The following FBXL18 variants were observed in gnomAD, a reference collection of about 807,000 sequenced individuals.
FBXL18 encodes the protein F-box/LRR-repeat protein 18.
FBXL18 carries 36 observed loss-of-function variants against 46.0 expected under a neutral mutation model. The observed-to-expected ratio is 0.78, with a 90% confidence interval of 0.60 to 1.03. The LOEUF is 1.03. FBXL18 is among the 50% of genes least tolerant of loss of function. The pLI is 0.00. For synonymous variants in FBXL18, 557 were observed against 465.3 expected (o/e 1.20, Z -2.54); for missense variants, 977 against 1,004.1 (o/e 0.97, Z 0.36).
In FBXL18 at chr7:5,513,650, A is replaced by T; in HGVS notation, c.18+7T>A. The T allele has an allele frequency of 6.2e-7, 1 of 1,611,832 alleles. No individual in the cohort carries two copies. The highest frequency in any genetic ancestry group is 8.5e-7 in the Non-Finnish European group (1 of 1,179,044). On this transcript the variant is annotated splice_region_variant and intron_variant, in intron 1 of 4. Transcript: ENST00000382368. ...AGAAGCAGAGCGGAGACAGTCGCGG[A>T]CAGTACCTCTCCGGAGCTGGCCATG... is the stretch of plus-strand genomic sequence containing the variant.
rs866357904 is a variant in FBXL18 at position 5,500,573 on chromosome 7, C to T, written c.1696G>A (p.Ala566Thr). 1 of 1,613,588 alleles carries T rather than the reference C, an allele frequency of 6.2e-7. No homozygotes were observed. The highest frequency in any genetic ancestry group is 8.5e-7 in the Non-Finnish European group (1 of 1,179,888). The change falls in exon 3 of 5, where the codon GCC becomes ACC. Residue 566 changes from alanine to threonine, a missense_variant. Ala to Thr is a moderately conservative substitution (Grantham distance 58, BLOSUM62 0). Coordinates refer to ENST00000382368, the MANE Select transcript of FBXL18 (RefSeq NM_024963.6). ...ACCTTCCCCATCATGCCCAGGTTGG[C>T]CAGCGACAGGGACCGCAACTGCTGG... ...QCQQLRSLSL[A>T]NLGMMGKVVY...
Position 5,481,430 on chromosome 7 carries a change from G to T in FBXL18, c.*345C>A, listed in dbSNP as rs1184542439. ...GCTTCCCGGTCGGAAGTGGCAGGGG[G>T]TTCGGGCCCTCCAGGCCCGTGGACA... On this transcript the variant is annotated 3_prime_UTR_variant, in exon 5 of 5. Transcript: ENST00000382368. 1 of 199,314 alleles carries T rather than the reference G, an allele frequency of 5.0e-6. No individual in the cohort carries two copies. Among genetic ancestry groups the T allele is most frequent in the African/African-American group, 2.4e-5 (1 of 42,250 alleles). The allele number at this position is 199,314 out of a possible 1,614,324, so 12.3% of individuals were successfully genotyped here. A position where few individuals can be genotyped will look rare whatever the true frequency, so the allele number is the denominator to read the frequency against.
downstream of FBXL18, among the ~76,000 whole-genome samples, chr7:5,473,838 C>A (rs533739723): frequency 1.5e-3 from 232 of 151,938 alleles, no homozygotes; most frequent in African/African-American, 5.1e-3. Flanking sequence ...GTTGCCCAGG[C>A]TGCTGGAGGG....
At chr7:5,499,812 C>T (rs886558303) in intron 3 of FBXL18, among the ~76,000 whole-genome samples, 14 of 150,898 alleles carry the variant, frequency 9.3e-5, no homozygotes, top group African/African-American at 3.4e-4. Flanking sequence ...CCAGCACCAG[C>T]ACTTTGGGAG....
chr7:5,486,983 C>T (rs1315196135), intron 4 of FBXL18, among the ~76,000 whole-genome samples: 1 of 152,258 alleles, frequency 6.6e-6, no homozygotes, highest in South Asian at 2.1e-4. Context: ...GAGAGCAAAC[C>T]GCTGCTCCTC....
intron 3 of FBXL18, among the ~76,000 whole-genome samples, chr7:5,495,029 G>A (rs954506607): frequency 1.5e-4 from 23 of 152,072 alleles, no homozygotes; most frequent in African/African-American, 5.3e-4. Context: ...CCCACAGCAC[G>A]CCGCCTGGGG....
At chr7:5,471,951 G>GGCCCACA (rs1187132559), downstream of FBXL18, among the ~76,000 whole-genome samples, 1 of 152,168 alleles carries the variant, frequency 6.6e-6, no homozygotes, top group Non-Finnish European at 1.5e-5. Context: ...TGTGTGGTGT[G>GGCCCACA]GTGGGGCGCA....
Position 5,497,866 on chromosome 7 carries a change from C to G in FBXL18, c.1781+2622G>C, listed in dbSNP as rs531592279. Among the ~76,000 whole-genome samples the G allele has an allele frequency of 3.3e-5, 5 of 152,210 alleles. No individual in the cohort carries two copies. In the South Asian group the frequency reaches 1.0e-3, roughly 32 times the overall value. ...AGCAAAGGCACAAGGTGAATGCTAA[C>G]TATTCTGGGGACAATGACACGTGCC... On this transcript the variant is annotated intron_variant, in intron 3 of 4. Transcript: ENST00000382368.
chr7:5,495,933 T>C (rs377329269), intron 3 of FBXL18: 28 of 470,964 alleles, frequency 5.9e-5, no homozygotes, highest in African/African-American at 5.4e-4. Context: ...TCCACAGAGA[T>C]GGCATTATGA....
At chr7:5,492,858 C>T (rs539688660) in intron 3 of FBXL18, among the ~76,000 whole-genome samples, 2 of 152,250 alleles carry the variant, frequency 1.3e-5, no homozygotes, top group East Asian at 1.9e-4. Context: ...ACCATCCCTG[C>T]CCATAGCCTG....
At chr7:5,488,020 C>T (rs542004305) in intron 4 of FBXL18, among the ~76,000 whole-genome samples, 4 of 152,374 alleles carry the variant, frequency 2.6e-5, no homozygotes, top group African/African-American at 4.8e-5. Context: ...CCTCTGGGGC[C>T]ACCTGCGAGC....
chr7:5,497,312 G>A lies in FBXL18; in HGVS notation c.1781+3176C>T, dbSNP rs1215433692. 2.6e-5 allele frequency among the ~76,000 whole-genome samples: 4 copies of A among 152,086 alleles called. No individual in the cohort carries two copies. In the South Asian group the frequency reaches 6.2e-4, roughly 24 times the overall value. ...GGTTCTCAAAGCAGTCGCCCGTCCT[G>A]GTTCTCCAGGATGCCTGGGTCAGAG... is the stretch of plus-strand genomic sequence containing the variant. On this transcript the variant is annotated intron_variant, in intron 3 of 4. Transcript: ENST00000382368.
At chr7:5,464,527 G>C (rs887888362) in intron 4 of FBXL18, among the ~76,000 whole-genome samples, 1 of 151,632 alleles carries the variant, frequency 6.6e-6, no homozygotes, top group African/African-American at 2.4e-5. Flanking sequence ...GCTGGGCGTT[G>C]TGGCAGGTGC....
At chr7:5,483,621 G>A (rs1783702443) in intron 4 of FBXL18, among the ~76,000 whole-genome samples, 2 of 151,726 alleles carry the variant, frequency 1.3e-5, no homozygotes, top group South Asian at 2.1e-4. Flanking sequence ...GTGCATGCCT[G>A]TAATCCCAGC....
rs79603061 is a variant in FBXL18 at position 5,496,514 on chromosome 7, G to A, written c.1781+3974C>T. On this transcript the variant is annotated intron_variant, in intron 3 of 4. Coordinates refer to ENST00000382368, the MANE Select transcript of FBXL18 (RefSeq NM_024963.6). The surrounding 1 kb of genome is among the most constrained non-coding windows in gnomAD (Gnocchi z 4.8). ...CCACCTATGAGCTGAGGACGCCAAA[G>A]CAACTCTCCCAGGCCAGACCTCAGC... 6.6e-6 allele frequency among the ~76,000 whole-genome samples: 1 copy of A among 152,276 alleles called. No homozygotes were observed. Among genetic ancestry groups the A allele is most frequent in the African/African-American group, 2.4e-5 (1 of 41,554 alleles).
rs1584236979 is a variant in FBXL18, at chr7:5,502,027, C to T, written c.242G>A (p.Ser81Asn). The T allele has an allele frequency of 6.3e-7, 1 of 1,581,880 alleles. No homozygotes were observed. The highest frequency in any genetic ancestry group is 8.6e-7 in the Non-Finnish European group (1 of 1,163,414). ...TVLLQKDYQA[S>N]EDKVRQLVKE... The stretch of plus-strand genomic sequence containing the variant: ...CACCAGCTGCCTCACTTTGTCCTCG[C>T]TCGCCTGCGGGACAGAGGCAGGGTG... The change falls in exon 3 of 5, where the codon AGC (serine) becomes AAC (asparagine). Residue 81 changes from serine to asparagine, a missense_variant. Ser to Asn is a conservative substitution (Grantham distance 46). Coordinates refer to ENST00000382368, the MANE Select transcript of FBXL18 (RefSeq NM_024963.6).
chr7:5,472,672 T>C (rs1355526140), downstream of FBXL18, among the ~76,000 whole-genome samples: 1 of 152,164 alleles, frequency 6.6e-6, no homozygotes, highest in Non-Finnish European at 1.5e-5. Flanking sequence ...AACACCAGCA[T>C]TGACCACCAG....
rs1349633532 is a variant in FBXL18, at chr7:5,463,702, A to ATATTTATTTATTTATT, written c.2001-15875_2001-15860dup. Among the ~76,000 whole-genome samples the ATATTTATTTATTTATT allele has an allele frequency of 1.1e-3, 78 of 69,016 alleles. 2 individuals carry two copies. The highest frequency in any genetic ancestry group is 3.0e-3 in the African/African-American group (42 of 13,816). 45.3% of individuals were successfully genotyped at this position (69,016 alleles called of 152,430 possible). ...TGCTTCATGCCCCTGAACTATATAT[A>ATATTTATTTATTTATT]TATTTATTTATTTATTTATTTATTT... On this transcript the variant is annotated intron_variant and NMD_transcript_variant, in intron 4 of 6. Transcript: ENST00000415009.
At chr7:5,492,175 G>A (rs914211644) in intron 3 of FBXL18, among the ~76,000 whole-genome samples, 1 of 149,438 alleles carries the variant, frequency 6.7e-6, no homozygotes, top group African/African-American at 2.5e-5. Context: ...GAAAGGGGAG[G>A]ACTTGGGAAA....
Sources: allele counts gnomAD v4.1 joint callset (sites outside exome capture counted in the v4.1 genomes callset), GRCh38; gene constraint gnomAD v4.1.1; non-coding constraint Gnocchi (gnomAD v3.1); transcripts MANE v1.5; gene names NCBI Gene and HGNC (gene_info 2026-07-23, HGNC 2026-07-21).